The following KRT12 variants were observed in gnomAD, a reference collection of about 807,000 sequenced individuals.
The protein encoded by KRT12 is keratin, type I cytoskeletal 12.
In KRT12, 43 loss-of-function variants were observed where a neutral mutation model predicts 50.2. The ratio of observed to expected loss-of-function variants is 0.86; its 90% CI spans 0.67 to 1.11. KRT12 has a LOEUF of 1.11. Ranked by LOEUF, KRT12 falls within the 50% of genes least tolerant of loss-of-function variation. The pLI is 0.00. For synonymous variants in KRT12, 257 were observed against 253.6 expected, an observed-to-expected ratio of 1.01 and a Z score of -0.13; for missense variants, 588 against 625.6, an observed-to-expected ratio of 0.94 and a Z score of 0.64.
intron 3 of KRT12, 33 bp downstream of exon 3, chr17:40,864,773 A>AC: frequency 1.9e-6 from 3 of 1,610,720 alleles, no homozygotes; most frequent in Admixed American, 1.7e-5. Flanking sequence ...GAAAAAAAAA[A>AC]GTAGCTGAGT....
chr17:40,866,111 G>A (rs1015764754), intron 2 of KRT12, 44 bp downstream of exon 2: 12 of 1,411,174 alleles, frequency 8.5e-6, no homozygotes, highest in African/African-American at 4.2e-5. Context: ...TAGGACAGAA[G>A]ACATGGTGGG....
In KRT12 at chr17:40,863,671, G is replaced by T. The variant is rs753792548; in HGVS notation, c.969+32C>A. 8 of 1,614,076 alleles carry T rather than the reference G, an allele frequency of 5.0e-6. No individual in the cohort carries two copies. The highest frequency in any genetic ancestry group is 1.7e-5 in the Admixed American group (1 of 60,012). On this transcript the variant is annotated intron_variant, in intron 4 of 7. Coordinates refer to ENST00000251643, the MANE Select transcript of KRT12 (RefSeq NM_000223.4). The surrounding 1 kb of genome is among the most constrained non-coding windows in gnomAD (Gnocchi z 4.2). ...TGAGCTCGTTCGCAGGCCTTTCTGT[G>T]AATGTATCAAAGCCTTTGTTGTTTG...
chr17:40,861,457 A>G lies in KRT12; in HGVS notation c.*204T>C, dbSNP rs1906799592. On this transcript the variant is annotated 3_prime_UTR_variant, in exon 8 of 8. Transcript: ENST00000251643. Reference sequence around the variant, plus strand: ...ATAAGGTAATTTTGATTTGTTACAAAGACCAACATGACCAAAATGACTTGT... The same window carrying G: ...ATAAGGTAATTTTGATTTGTTACAAGGACCAACATGACCAAAATGACTTGT... 3.4e-6 allele frequency: 2 copies of G among 595,674 alleles called. No individual in the cohort carries two copies. Among genetic ancestry groups the G allele is most frequent in the Admixed American group, 2.9e-5 (1 of 34,582 alleles). 36.9% of individuals were successfully genotyped at this position (595,674 alleles called of 1,614,324 possible).
At position 40,863,554 on chromosome 17, in the gene KRT12, C is replaced by G. The variant is rs1330557470; in HGVS notation, c.1026G>C (p.Lys342Asn). 6.2e-7 allele frequency: 1 copy of G among 1,614,140 alleles called. No homozygotes were observed. The highest frequency in any genetic ancestry group is 8.5e-7 in the Non-Finnish European group (1 of 1,180,060). Residue 342 changes from lysine to asparagine, a missense_variant, in exon 5 of 8, where the codon AAG becomes AAC. Physicochemically the swap from Lys to Asn is moderately conservative, Grantham distance 94. Coordinates refer to ENST00000251643, the MANE Select transcript of KRT12 (RefSeq NM_000223.4). This position sits in a 1 kb window ranked among gnomAD's most constrained non-coding sequence, Gnocchi z 4.2. ...CGCGACGCAGGTCGGTGACCTCGCT[C>G]TTGCTGGACTGAAGCTGCTCGGTGT... ...STNTEQLQSSKSEVTDLRRAF... is the reference protein window; with the variant it reads ...STNTEQLQSSNSEVTDLRRAF...
chr17:40,863,308 C>T lies in KRT12; in HGVS notation c.1131G>A (p.Glu377=), dbSNP rs773622226. The T allele has an allele frequency of 6.2e-7, 1 of 1,613,916 alleles. No homozygotes were observed. ...GGGACAGCTGCGCGCAGTAATCGCC[C>T]TCGGCTTCGGCCAAGGAGTCCTCCA... The part of the protein sequence containing the change: ...KSLEDSLAEA[E]GDYCAQLSQV... Residue 377 remains glutamate (E), a synonymous_variant, in exon 6 of 8, where the codon GAG becomes GAA. Coordinates refer to ENST00000251643, the MANE Select transcript of KRT12 (RefSeq NM_000223.4). The surrounding 1 kb of genome is among the most constrained non-coding windows in gnomAD (Gnocchi z 4.2).
rs1567739180 is a variant in KRT12 at position 40,863,653 on chromosome 17, G to T, written c.970-43C>A. ...GCCAGGGGGCTCGAGCGCTGAGCTC[G>T]TTCGCAGGCCTTTCTGTGAATGTAT... On this transcript the variant is annotated intron_variant, in intron 4 of 7. Coordinates refer to ENST00000251643, the MANE Select transcript of KRT12 (RefSeq NM_000223.4). The surrounding 1 kb of genome is among the most constrained non-coding windows in gnomAD (Gnocchi z 4.2). 2 of 1,614,216 alleles carry T rather than the reference G, an allele frequency of 1.2e-6. No homozygotes were observed. Among genetic ancestry groups the T allele is most frequent in the Non-Finnish European group, 1.7e-6 (2 of 1,180,048 alleles).
At chr17:40,865,699 C>G (rs1193256976) in intron 2 of KRT12, among the ~76,000 whole-genome samples, 1 of 151,868 alleles carries the variant, frequency 6.6e-6, no homozygotes, top group Admixed American at 6.6e-5. Flanking sequence ...ACGGTGGCAG[C>G]CGCCTGTAAT....
At position 40,863,264 on chromosome 17, in the gene KRT12, C is replaced by A; in HGVS notation, c.1175G>T (p.Ser392Ile). 6.2e-7 allele frequency: 1 copy of A among 1,613,992 alleles called. No individual in the cohort carries two copies. The highest frequency in any genetic ancestry group is 1.7e-4 in the Middle Eastern group (1 of 6,060). ...CTGGAGCAGCTGTGCCTCCAGGTTG[C>A]TGATGAGCTGCTGCACCTGGGACAG... is the stretch of plus-strand genomic sequence containing the variant. ...AQLSQVQQLI[S>I]NLEAQLLQVR... The change falls in exon 6 of 8, where the codon AGC becomes ATC. Residue 392 changes from serine to isoleucine, a missense_variant. Ser to Ile is a moderately radical substitution (Grantham distance 142). Coordinates refer to ENST00000251643, the MANE Select transcript of KRT12 (RefSeq NM_000223.4). The surrounding 1 kb of genome is among the most constrained non-coding windows in gnomAD (Gnocchi z 4.2).
chr17:40,865,167 G>T (rs1369039488), intron 2 of KRT12, among the ~76,000 whole-genome samples: 11 of 152,190 alleles, frequency 7.2e-5, no homozygotes, highest in Admixed American at 7.2e-4. Context: ...GAGAAGAAAA[G>T]TGAATAAATT....
At position 40,863,198 on chromosome 17, in the gene KRT12, C is replaced by T. The variant is rs1416394606; in HGVS notation, c.1241G>A (p.Arg414Gln). 8 of 1,613,998 alleles carry T rather than the reference C, an allele frequency of 5.0e-6. No homozygotes were observed. In the African/African-American group the frequency reaches 1.1e-4, roughly 22 times the overall value. The part of the protein sequence containing the change: ...DAERQNVDHQ[R>Q]LLNVKARLEL... ...CAGGCGGGCCTTGACATTCAGCAGC[C>T]GCTGGTGGTCCACGTTCTGGCGCTC... The change falls in exon 6 of 8, where the codon CGG becomes CAG. Residue 414 changes from arginine (R) to glutamine (Q), a missense_variant. Physicochemically the swap from Arg to Gln is conservative, Grantham distance 43. Transcript: ENST00000251643. This position sits in a 1 kb window ranked among gnomAD's most constrained non-coding sequence, Gnocchi z 4.2.
intron 7 of KRT12, among the ~76,000 whole-genome samples, 175 bp downstream of exon 7, chr17:40,862,390 T>C (rs553132319): frequency 7.2e-5 from 11 of 152,288 alleles, no homozygotes; most frequent in African/African-American, 2.6e-4. Flanking sequence ...AGTTTTAATA[T>C]GGTATAGACT....
Position 40,862,723 on chromosome 17 carries a change from T to A in KRT12, c.1317-88A>T, listed in dbSNP as rs1484443572. 4 of 970,754 alleles carry A rather than the reference T, an allele frequency of 4.1e-6. No homozygotes were observed. In the South Asian group the frequency reaches 5.2e-5, roughly 13 times the overall value. 60.1% of individuals were successfully genotyped at this position (970,754 alleles called of 1,614,324 possible). A position where few individuals can be genotyped will look rare whatever the true frequency, so the allele number is the denominator to read the frequency against. On this transcript the variant is annotated intron_variant, in intron 6 of 7. Transcript: ENST00000251643. ...TGGTCTGAGAAATTAGATTTCCCAATTTGTAGGCCTGAGTTCTTCCAACTA... is the reference window on the plus strand; with the variant it reads ...TGGTCTGAGAAATTAGATTTCCCAAATTGTAGGCCTGAGTTCTTCCAACTA...
At chr17:40,866,507 C>T in intron 1 of KRT12, 113 bp downstream of exon 1, 1 of 948,990 alleles carries the variant, frequency 1.1e-6, no homozygotes, top group Non-Finnish European at 1.6e-6. Context: ...AAAATTGCTG[C>T]AAGTACAGCT....
rs779768900 is a variant in KRT12, at chr17:40,864,903, C to T, written c.710G>A (p.Arg237Gln). 1.8e-5 allele frequency: 29 copies of T among 1,614,120 alleles called. No homozygotes were observed. The highest frequency in any genetic ancestry group is 6.7e-5 in the Admixed American group (4 of 60,004). Reference protein sequence around the residue: ...GVEADINGLRRVLDELTLTRT... With the variant: ...GVEADINGLRQVLDELTLTRT... ...GGTCAGGGTCAGCTCGTCCAGCACCCGGCGCAGGCCATTGATGTCGGCCTC... is the reference window on the plus strand; with the variant it reads ...GGTCAGGGTCAGCTCGTCCAGCACCTGGCGCAGGCCATTGATGTCGGCCTC... The change falls in exon 3 of 8, where the codon CGG becomes CAG. Residue 237 changes from arginine (R) to glutamine (Q), a missense_variant. Physicochemically the swap from Arg to Gln is conservative, Grantham distance 43. Transcript: ENST00000251643.
Position 40,863,532 on chromosome 17 carries a change from G to A in KRT12, c.1048C>T (p.Arg350Cys), listed in dbSNP as rs1179482447. The A allele has an allele frequency of 3.7e-6, 6 of 1,614,126 alleles. No individual in the cohort carries two copies. Among genetic ancestry groups the A allele is most frequent in the African/African-American group, 2.7e-5 (2 of 74,950 alleles). Reference sequence around the variant, plus strand: ...TCGATCTCCAGGTTCTGAAAGGCGCGACGCAGGTCGGTGACCTCGCTCTTG... The same window carrying A: ...TCGATCTCCAGGTTCTGAAAGGCGCAACGCAGGTCGGTGACCTCGCTCTTG... ...SSKSEVTDLR[R>C]AFQNLEIELQ... The change falls in exon 5 of 8, where the codon CGC becomes TGC. Residue 350 changes from arginine (R) to cysteine (C), a missense_variant. Arg to Cys is a radical substitution (Grantham distance 180). Coordinates refer to ENST00000251643, the MANE Select transcript of KRT12 (RefSeq NM_000223.4). The surrounding 1 kb of genome is among the most constrained non-coding windows in gnomAD (Gnocchi z 4.2).
rs1199578230 is a variant in KRT12, at chr17:40,866,630, A to G, written c.557T>C (p.Leu186Pro). Residue 186 changes from leucine to proline, a missense_variant, in exon 1 of 8, where the codon CTC (leucine) becomes CCC (proline). Coordinates refer to ENST00000251643, the MANE Select transcript of KRT12 (RefSeq NM_000223.4). ...CAAAAGAGATCTTACCTTATTCCTG[A>G]GGTCTTCAATCAGTGGATAATATTT... ...YSKYYPLIED[L>P]RNKIISASIG... The G allele has an allele frequency of 4.3e-6, 7 of 1,613,786 alleles. No homozygotes were observed. Among genetic ancestry groups the G allele is most frequent in the Non-Finnish European group, 5.1e-6 (6 of 1,179,754 alleles).
chr17:40,865,152 GGGA>G (rs2143265093), intron 2 of KRT12, among the ~76,000 whole-genome samples, 190 bp from the exon 3 acceptor site: 1 of 152,276 alleles, frequency 6.6e-6, no homozygotes, highest in East Asian at 1.9e-4. Context: ...TGTTCAGTTG[GGGA>G]GGAGAAGAAA....
Position 40,866,766 on chromosome 17 carries a change from C to T in KRT12, c.421G>A (p.Asp141Asn), listed in dbSNP as rs775252087. The change falls in exon 1 of 8, where the codon GAT (aspartate) becomes AAT (asparagine). Residue 141 changes from aspartate (D) to asparagine (N), a missense_variant. Transcript: ENST00000251643. ...GCCTCTTCTAGAGCTCGCACCTTAT[C>T]CAGGTAGGAAGCTAATCTATCATTA... ...NLNDRLASYLDKVRALEEANT... is the reference protein window; with the variant it reads ...NLNDRLASYLNKVRALEEANT... 3 of 1,614,122 alleles carry T rather than the reference C, an allele frequency of 1.9e-6. No homozygotes were observed. The highest frequency in any genetic ancestry group is 4.5e-5 in the East Asian group (2 of 44,876).
chr17:40,862,231 G>C (rs867107624), intron 7 of KRT12, among the ~76,000 whole-genome samples: 3 of 152,054 alleles, frequency 2.0e-5, no homozygotes, highest in Middle Eastern at 6.8e-3. Context: ...ACCACACCCA[G>C]CTATTTTTTT....
Sources: allele counts gnomAD v4.1 joint callset (sites outside exome capture counted in the v4.1 genomes callset), GRCh38; gene constraint gnomAD v4.1.1; non-coding constraint Gnocchi (gnomAD v3.1); transcripts MANE v1.5; gene names NCBI Gene and HGNC (gene_info 2026-07-23, HGNC 2026-07-21).